Variants in B3GALT1 observed in about 807,000 individuals in gnomAD.
The protein encoded by B3GALT1 is UDP-Gal:betaGlcNAc beta 1,3-galactosyltransferase, polypeptide 1.
B3GALT1 carries 10 observed loss-of-function variants against 23.2 expected under a neutral mutation model. That is an observed-to-expected ratio of 0.43 (90% CI 0.27 to 0.73). B3GALT1 has a LOEUF of 0.73. Among genes scored for constraint, B3GALT1 ranks in the 30% least tolerant of loss-of-function variants. B3GALT1 has a pLI of 0.21. For missense variants in B3GALT1, 299 were observed against 405.4 expected (o/e 0.74, Z 2.25); for synonymous variants, 156 against 141.5 (o/e 1.10, Z -0.73).
At chr2:167,767,877 C>G (rs185237095) in intron 3 of B3GALT1, among the ~76,000 whole-genome samples, 1,772 of 152,212 alleles carry the variant, frequency 0.012, 13 homozygotes, top group Non-Finnish European at 0.018. Context: ...GTCCCATGAT[C>G]TGCTGTTTGC....
intron 3 of B3GALT1, chr2:167,714,521 T>C (rs1574227097): frequency 2.5e-6 from 4 of 1,612,124 alleles, no homozygotes; most frequent in Non-Finnish European, 3.4e-6. Flanking sequence ...TGGCGAACGC[T>C]CTCTGCCAAA....
rs190920847 is a variant in B3GALT1 at position 167,357,985 on chromosome 2, C to T, written c.-511+64651C>T. On this transcript the variant is annotated intron_variant, in intron 1 of 4. Coordinates refer to ENST00000392690, the MANE Select transcript of B3GALT1 (RefSeq NM_020981.4). ...TCTGTTTCATTTTATTTGAATATATCTTCACAATTTGAGTATTTTGGATAG... is the reference window on the plus strand; with the variant it reads ...TCTGTTTCATTTTATTTGAATATATTTTCACAATTTGAGTATTTTGGATAG... Among the ~76,000 whole-genome samples, 4 of 152,244 alleles carry T rather than the reference C, an allele frequency of 2.6e-5. No homozygotes were observed. In the East Asian group the frequency reaches 5.8e-4, roughly 22 times the overall value.
chr2:167,764,921 C>T (rs1390387831), intron 3 of B3GALT1, among the ~76,000 whole-genome samples: 2 of 152,016 alleles, frequency 1.3e-5, no homozygotes, highest in East Asian at 1.9e-4. Context: ...AAAGGAGGTT[C>T]GGGATAGGGT....
At chr2:167,454,738 G>A (rs999043755) in intron 1 of B3GALT1, among the ~76,000 whole-genome samples, 1 of 152,164 alleles carries the variant, frequency 6.6e-6, no homozygotes, top group South Asian at 2.1e-4. Flanking sequence ...TTGCTACTCA[G>A]AACATCTCTC....
At chr2:167,541,922 T>C (rs1253176580) in intron 2 of B3GALT1, among the ~76,000 whole-genome samples, 2 of 152,122 alleles carry the variant, frequency 1.3e-5, no homozygotes, top group Non-Finnish European at 2.9e-5. Flanking sequence ...CTGAAGCTGC[T>C]ATTTGATGAG....
chr2:167,816,154 T>C (rs1224023578), intron 3 of B3GALT1, among the ~76,000 whole-genome samples: 1 of 152,218 alleles, frequency 6.6e-6, no homozygotes, highest in Non-Finnish European at 1.5e-5. Flanking sequence ...TAGATGTCAT[T>C]ATCTCTTAGG....
At chr2:167,734,307 A>G (rs968440765) in intron 3 of B3GALT1, among the ~76,000 whole-genome samples, 4 of 152,208 alleles carry the variant, frequency 2.6e-5, no homozygotes, top group African/African-American at 9.6e-5. Context: ...AGGGGAAAAA[A>G]AAAAGTAGAA....
intron 2 of B3GALT1, among the ~76,000 whole-genome samples, chr2:167,618,837 T>C (rs1685207193): frequency 6.6e-6 from 1 of 152,032 alleles, no homozygotes; most frequent in Non-Finnish European, 1.5e-5. Flanking sequence ...AGTTGTATCC[T>C]TCTTAGTGCA....
chr2:167,721,052 CTG>C, intron 3 of B3GALT1, among the ~76,000 whole-genome samples: 1 of 152,200 alleles, frequency 6.6e-6, no homozygotes, highest in Non-Finnish European at 1.5e-5. Context: ...CCATCTCTCT[CTG>C]TATATCTCCA....
At chr2:167,849,183 C>T (rs1223132827) in intron 4 of B3GALT1, among the ~76,000 whole-genome samples, 1 of 152,052 alleles carries the variant, frequency 6.6e-6, no homozygotes, top group African/African-American at 2.4e-5. Context: ...TCAATAGAAT[C>T]CCCATCAAAA....
chr2:167,563,116 C>A (rs893398466), intron 2 of B3GALT1, among the ~76,000 whole-genome samples: 1 of 152,048 alleles, frequency 6.6e-6, no homozygotes, highest in African/African-American at 2.4e-5. Context: ...CCCTTCCATT[C>A]CACAAAACCG....
At chr2:167,482,310 A>G (rs1699572350) in intron 1 of B3GALT1, among the ~76,000 whole-genome samples, 1 of 152,208 alleles carries the variant, frequency 6.6e-6, no homozygotes, top group African/African-American at 2.4e-5. Context: ...CTAGGTTTTT[A>G]AAACAAAAAC....
intron 1 of B3GALT1, among the ~76,000 whole-genome samples, chr2:167,396,396 T>C (rs950390104): frequency 1.3e-5 from 2 of 151,950 alleles, no homozygotes; most frequent in African/African-American, 4.8e-5. Context: ...CTTTGGGGAA[T>C]AGAGGGCTTG....
At chr2:167,847,618 C>T (rs1261533568) in intron 4 of B3GALT1, among the ~76,000 whole-genome samples, 5 of 152,098 alleles carry the variant, frequency 3.3e-5, no homozygotes, top group South Asian at 4.2e-4. Flanking sequence ...TAGCCCTAAA[C>T]GCCTACACAT....
chr2:167,502,622 A>G (rs1327638109), intron 2 of B3GALT1, among the ~76,000 whole-genome samples: 2 of 152,138 alleles, frequency 1.3e-5, no homozygotes, highest in Non-Finnish European at 2.9e-5. Flanking sequence ...GGGAAGTGCC[A>G]CACACTTTTA....
At chr2:167,700,187 T>A (rs1458355795) in intron 3 of B3GALT1, among the ~76,000 whole-genome samples, 1 of 152,144 alleles carries the variant, frequency 6.6e-6, no homozygotes, top group African/African-American at 2.4e-5. Context: ...GAGGCTGCAG[T>A]GAGCTATGAT....
chr2:167,348,506 G>A (rs1697259303), intron 1 of B3GALT1, among the ~76,000 whole-genome samples: 1 of 152,146 alleles, frequency 6.6e-6, no homozygotes, highest in South Asian at 2.1e-4. Flanking sequence ...ATTGATAAGA[G>A]TCTGAGATGC....
chr2:167,829,299 T>C (rs1356572844), intron 4 of B3GALT1, among the ~76,000 whole-genome samples: 3 of 151,874 alleles, frequency 2.0e-5, no homozygotes, highest in Non-Finnish European at 2.9e-5. Context: ...CTGGCCAACA[T>C]AGTGAAACCC....
intron 1 of B3GALT1, among the ~76,000 whole-genome samples, chr2:167,312,795 T>G (rs1574028480): frequency 6.6e-6 from 1 of 152,124 alleles, no homozygotes; most frequent in Non-Finnish European, 1.5e-5. Flanking sequence ...GCAGTGACAG[T>G]TCTTTTCAAG....
Sources: allele counts gnomAD v4.1 joint callset (sites outside exome capture counted in the v4.1 genomes callset), GRCh38; gene constraint gnomAD v4.1.1; transcripts MANE v1.5; gene names NCBI Gene and HGNC (gene_info 2026-07-23, HGNC 2026-07-21).